TBCE: variants seen among roughly 807,000 people sequenced by gnomAD.
The protein encoded by TBCE is tubulin folding cofactor E.
Under a neutral mutation model 77.0 loss-of-function variants are expected in TBCE, and 53 were observed. That is an observed-to-expected ratio of 0.69 (90% CI 0.55 to 0.87). The LOEUF (loss-of-function observed/expected upper bound fraction) is 0.87. Among genes scored for constraint, TBCE ranks in the 40% least tolerant of loss-of-function variants. The probability of loss-of-function intolerance (pLI) is 0.00; values close to 1 mark genes in which losing one functional copy is unlikely to be tolerated. For missense variants in TBCE, 624 were observed against 622.4 expected, an observed-to-expected ratio of 1.00 and a Z score of -0.03; for synonymous variants, 235 against 241.3, an observed-to-expected ratio of 0.97 and a Z score of 0.24.
intron 2 of TBCE, among the ~76,000 whole-genome samples, chr1:235,395,666 T>C (rs1678680261): frequency 1.3e-5 from 2 of 151,610 alleles, no homozygotes; most frequent in South Asian, 4.2e-4. Context: ...TGCCTCAGCC[T>C]CCCAAGTAGC....
intron 3 of TBCE, among the ~76,000 whole-genome samples, chr1:235,406,730 C>T (rs1679455367): frequency 6.6e-6 from 1 of 151,780 alleles, no homozygotes; most frequent in Middle Eastern, 3.2e-3. Flanking sequence ...TGGGGTTTCA[C>T]CATATTGGCC....
chr1:235,413,977 C>T (rs1679964488), intron 3 of TBCE: 1 of 185,018 alleles, frequency 5.4e-6, no homozygotes, highest in Admixed American at 5.6e-5. Flanking sequence ...GCCTTAGCCT[C>T]CCTAGTAGCT....
intron 2 of TBCE, 27 bp downstream of exon 2, chr1:235,380,176 TG>T: frequency 5.2e-6 from 2 of 384,620 alleles, no homozygotes; most frequent in Non-Finnish European, 3.5e-6. Context: ...TGTGTGTGTG[TG>T]TGTGTGTGTG....
intron 2 of TBCE, among the ~76,000 whole-genome samples, chr1:235,394,287 G>A (rs1678589912): frequency 6.6e-6 from 1 of 151,976 alleles, no homozygotes; most frequent in Non-Finnish European, 1.5e-5. Context: ...TGTTAGCCAG[G>A]ATAGTCTCGA....
At position 235,435,693 on chromosome 1, in the gene TBCE, G is replaced by A. The variant is rs372975302; in HGVS notation, c.738-52G>A. On this transcript the variant is annotated intron_variant, in intron 8 of 16. Coordinates refer to ENST00000642610, the MANE Select transcript of TBCE (RefSeq NM_003193.5). ...GCAGGGATTTTAAGGCTGTATCTTTGAAAACAATTAAGAGATAAATTCACG... is the reference window on the plus strand; with the variant it reads ...GCAGGGATTTTAAGGCTGTATCTTTAAAAACAATTAAGAGATAAATTCACG... The A allele has an allele frequency of 1.3e-4, 195 of 1,529,522 alleles. No homozygotes were observed. In the African/African-American group the frequency reaches 2.5e-3, roughly 20 times the overall value. The allele number at this position is 1,529,522 out of a possible 1,614,324, so 94.7% of individuals were successfully genotyped here. A position where few individuals can be genotyped will look rare whatever the true frequency, so the allele number is the denominator to read the frequency against.
intron 5 of TBCE, among the ~76,000 whole-genome samples, chr1:235,420,318 CTT>C (rs796709432): frequency 1.3e-4 from 18 of 141,232 alleles, no homozygotes; most frequent in Admixed American, 1.4e-4. Flanking sequence ...TCATGCAGTT[CTT>C]TTTTTTTTTT....
In TBCE at chr1:235,448,341, T is replaced by TTTGA. The variant is rs752047862; in HGVS notation, c.1400-6_1400-3dup. ...GAGAACGAATGGACTTTTCTTGTCTTTTGATAGGCTCCATGACAATTCAAA... is the reference window on the plus strand; with the variant it reads ...GAGAACGAATGGACTTTTCTTGTCTTTTGATTGATAGGCTCCATGACAATTCAAA... On this transcript the variant is annotated splice_polypyrimidine_tract_variant and splice_region_variant and intron_variant, in intron 15 of 16. Coordinates refer to ENST00000642610, the MANE Select transcript of TBCE (RefSeq NM_003193.5). 2.7e-5 allele frequency: 44 copies of TTTGA among 1,613,830 alleles called. No individual in the cohort carries two copies. The highest frequency in any genetic ancestry group is 6.7e-5 in the East Asian group (3 of 44,892).
chr1:235,414,688 G>C, intron 4 of TBCE, 70 bp downstream of exon 4: 1 of 1,458,748 alleles, frequency 6.9e-7, no homozygotes, highest in South Asian at 1.2e-5. Flanking sequence ...AAATACCCAT[G>C]ACTGTATATG....
At chr1:235,426,723 G>A (rs1680732709) in intron 5 of TBCE, among the ~76,000 whole-genome samples, 1 of 152,212 alleles carries the variant, frequency 6.6e-6, no homozygotes, top group South Asian at 2.1e-4. Flanking sequence ...TCCACTCACT[G>A]CAACCTCCGC....
intron 4 of TBCE, among the ~76,000 whole-genome samples, chr1:235,417,039 CCT>C (rs1680148946): frequency 1.3e-5 from 2 of 152,176 alleles, no homozygotes; most frequent in Non-Finnish European, 2.9e-5. Flanking sequence ...GGAGTTGAAA[CCT>C]CTACTTTAAG....
intron 2 of TBCE, among the ~76,000 whole-genome samples, chr1:235,386,425 T>G (rs1166934460): frequency 6.6e-6 from 1 of 152,202 alleles, no homozygotes; most frequent in Non-Finnish European, 1.5e-5. Flanking sequence ...CCCCGTCACT[T>G]TCAGGTACAC....
At chr1:235,383,999 C>G (rs1207999953) in intron 2 of TBCE, among the ~76,000 whole-genome samples, 2 of 152,044 alleles carry the variant, frequency 1.3e-5, no homozygotes, top group South Asian at 2.1e-4. Context: ...CCATCAATAC[C>G]TAATTTATTG....
At chr1:235,413,363 T>TAAAA (rs869060658) in intron 3 of TBCE, among the ~76,000 whole-genome samples, 2 of 138,428 alleles carry the variant, frequency 1.4e-5, no homozygotes, top group African/African-American at 2.7e-5. Context: ...CCCCTTTCTT[T>TAAAA]AAAAAAAAAA....
intron 14 of TBCE, among the ~76,000 whole-genome samples, chr1:235,442,100 C>A (rs1290302884): frequency 5.3e-5 from 8 of 151,932 alleles, no homozygotes; most frequent in African/African-American, 1.9e-4. Context: ...CTCCGCCTCC[C>A]AGGTTCTAAG....
At chr1:235,416,291 A>G (rs1004424964) in intron 4 of TBCE, 1 of 151,280 alleles carries the variant, frequency 6.6e-6, no homozygotes, top group Non-Finnish European at 1.5e-5. Flanking sequence ...TCTTTGCTTT[A>G]TTTTTTCCCA....
chr1:235,371,867 T>C (rs1465692306), intron 1 of TBCE, among the ~76,000 whole-genome samples: 1 of 152,072 alleles, frequency 6.6e-6, no homozygotes, highest in Non-Finnish European at 1.5e-5. Context: ...GAGGTGGGGG[T>C]TTCACCATGT....
At chr1:235,426,741 G>A (rs1267916276) in intron 5 of TBCE, among the ~76,000 whole-genome samples, 3 of 152,198 alleles carry the variant, frequency 2.0e-5, no homozygotes, top group Non-Finnish European at 4.4e-5. Context: ...CGCCTCCCGG[G>A]CTCTAGAGTT....
Position 235,451,341 on chromosome 1 carries a change from C to T in TBCE, c.*2579C>T, listed in dbSNP as rs1314444861. 1 of 151,752 alleles carries T rather than the reference C, an allele frequency of 6.6e-6. No individual in the cohort carries two copies. The highest frequency in any genetic ancestry group is 6.6e-5 in the Admixed American group (1 of 15,234). 9.4% of individuals were successfully genotyped at this position (151,752 alleles called of 1,614,324 possible). A position where few individuals can be genotyped will look rare whatever the true frequency, so the allele number is the denominator to read the frequency against. ...CTGTGTAAGCCCAACAGTTCCAAGC[C>T]AAAAATCTGAAGTATTCATAGATGG... On this transcript the variant is annotated 3_prime_UTR_variant, in exon 17 of 17. Coordinates refer to ENST00000642610, the MANE Select transcript of TBCE (RefSeq NM_003193.5).
chr1:235,417,751 T>C (rs1680183030), intron 4 of TBCE, among the ~76,000 whole-genome samples: 1 of 110,580 alleles, frequency 9.0e-6, no homozygotes, highest in African/African-American at 3.1e-5. Flanking sequence ...TGTACCCTGG[T>C]TTTTCTTTCT....
Sources: allele counts gnomAD v4.1 joint callset (sites outside exome capture counted in the v4.1 genomes callset), GRCh38; gene constraint gnomAD v4.1.1; transcripts MANE v1.5; gene names NCBI Gene and HGNC (gene_info 2026-07-23, HGNC 2026-07-21).